The following ZBTB46 variants were observed in gnomAD, a reference collection of about 807,000 sequenced individuals.
ZBTB46 encodes zinc finger and BTB domain-containing protein 46.
In ZBTB46, 8 loss-of-function variants were observed where a neutral mutation model predicts 44.1. That is an observed-to-expected ratio of 0.18 (90% CI 0.11 to 0.33). The LOEUF (loss-of-function observed/expected upper bound fraction) is 0.33, where lower values mean the gene tolerates loss of function less well. Ranked by LOEUF, ZBTB46 falls within the 10% of genes least tolerant of loss-of-function variation. The pLI is 1.00. For synonymous variants in ZBTB46, 409 were observed against 382.3 expected, an observed-to-expected ratio of 1.07 and a Z score of -0.81; for missense variants, 651 against 847.7, an observed-to-expected ratio of 0.77 and a Z score of 2.88.
Position 63,822,835 on chromosome 20 carries a change from G to A in ZBTB46, c.-34+8262C>T, listed in dbSNP as rs140721059. Among the ~76,000 whole-genome samples the A allele has an allele frequency of 4.4e-3, 667 of 151,544 alleles. 3 individuals carry two copies. Among genetic ancestry groups the A allele is most frequent in the African/African-American group, 0.015 (624 of 41,282 alleles). ...TTGAGACCAGCCTGGGCAACACAGC[G>A]AGACCCTGTCTGTACAAAACATGTT... On this transcript the variant is annotated intron_variant, in intron 1 of 4. Transcript: ENST00000245663.
At chr20:63,809,344 T>C (rs1312843293) in intron 1 of ZBTB46, among the ~76,000 whole-genome samples, 2 of 152,138 alleles carry the variant, frequency 1.3e-5, no homozygotes, top group African/African-American at 2.4e-5. Context: ...CCTGCTGGGG[T>C]GGTGGCCCCA....
chr20:63,793,607 C>T (rs916258272), intron 1 of ZBTB46, among the ~76,000 whole-genome samples: 3 of 119,368 alleles, frequency 2.5e-5, no homozygotes, highest in African/African-American at 1.1e-4. Context: ...AAAACAGAGC[C>T]TGTAAGAATT....
intron 2 of ZBTB46, among the ~76,000 whole-genome samples, chr20:63,778,012 G>A (rs1167718240): frequency 6.6e-6 from 1 of 152,160 alleles, no homozygotes; most frequent in Admixed American, 6.5e-5. Flanking sequence ...TAGGTTTGTG[G>A]CTGCAAAAAG....
At chr20:63,797,625 T>C (rs974669174) in intron 1 of ZBTB46, among the ~76,000 whole-genome samples, 1 of 152,228 alleles carries the variant, frequency 6.6e-6, no homozygotes, top group East Asian at 1.9e-4. Flanking sequence ...ACCAACAGTG[T>C]GAAAGTGTTC....
chr20:63,789,953 G>A lies in ZBTB46; in HGVS notation c.805C>T (p.Arg269Ter), dbSNP rs745838266. The change falls in exon 2 of 5, where the codon CGA (arginine) becomes TGA (stop). Residue 269 changes from arginine (R) to a stop codon, truncating the protein, a stop_gained. Transcript: ENST00000245663. LOFTEE classifies it high-confidence loss of function. ...TCTTTGTTTTTCCGATTCTTCCTTC[G>A]GCCCGTGGGCTGCCAGGCATCACCA... is the stretch of plus-strand genomic sequence containing the variant. ...SAGDAWQPTG[R>*]RKNRKNKETV... The A allele has an allele frequency of 6.2e-7, 1 of 1,614,074 alleles. No individual in the cohort carries two copies. Among genetic ancestry groups the A allele is most frequent in the Non-Finnish European group, 8.5e-7 (1 of 1,180,036 alleles).
At chr20:63,810,217 CAA>C (rs2092709845) in intron 1 of ZBTB46, among the ~76,000 whole-genome samples, 1 of 152,076 alleles carries the variant, frequency 6.6e-6, no homozygotes, top group Non-Finnish European at 1.5e-5. Context: ...CTAACAGTGA[CAA>C]ACAGAAAAAG....
intron 1 of ZBTB46, among the ~76,000 whole-genome samples, chr20:63,822,840 C>T (rs2092799797): frequency 1.3e-5 from 2 of 151,942 alleles, no homozygotes; most frequent in Non-Finnish European, 2.9e-5. Flanking sequence ...ACAGCGAGAC[C>T]CTGTCTGTAC....
At chr20:63,747,510 C>CGGGG (rs1213238060) in intron 4 of ZBTB46, among the ~76,000 whole-genome samples, 2 of 18,418 alleles carry the variant, frequency 1.1e-4, no homozygotes, top group African/African-American at 1.9e-4. Context: ...GGGAGGGGGG[C>CGGGG]CAGGGGGTGA....
At chr20:63,770,828 A>T in intron 3 of ZBTB46, among the ~76,000 whole-genome samples, 1 of 152,178 alleles carries the variant, frequency 6.6e-6, no homozygotes, top group East Asian at 1.9e-4. Flanking sequence ...CATTTCCTGC[A>T]CGATGCGCCA....
At chr20:63,812,155 C>T (rs943633529) in intron 1 of ZBTB46, among the ~76,000 whole-genome samples, 1 of 152,198 alleles carries the variant, frequency 6.6e-6, no homozygotes, top group African/African-American at 2.4e-5. Context: ...CGGTAAACTA[C>T]ATTTGCATTT....
intron 1 of ZBTB46, among the ~76,000 whole-genome samples, chr20:63,815,336 G>A (rs1228659373): frequency 6.6e-6 from 1 of 150,792 alleles, no homozygotes; most frequent in Non-Finnish European, 1.5e-5. Flanking sequence ...GTGCAGGTGG[G>A]CATAGGTGCA....
chr20:63,819,640 A>C (rs1209424463), intron 1 of ZBTB46, among the ~76,000 whole-genome samples: 1 of 152,234 alleles, frequency 6.6e-6, no homozygotes, highest in Admixed American at 6.5e-5. Flanking sequence ...TAAACGGATT[A>C]AAACAACCAC....
chr20:63,766,269 G>A (rs1010832553), intron 3 of ZBTB46, among the ~76,000 whole-genome samples: 2 of 139,516 alleles, frequency 1.4e-5, no homozygotes, highest in Non-Finnish European at 3.0e-5. Flanking sequence ...AGGCTGGAGT[G>A]CAATGGCATG....
At chr20:63,774,663 AGCTGGCTGGGG>A (rs1390364003) in intron 3 of ZBTB46, among the ~76,000 whole-genome samples, 2 of 150,302 alleles carry the variant, frequency 1.3e-5, no homozygotes, top group Non-Finnish European at 2.9e-5. Context: ...ACCAGAAGGC[AGCTGGCTGGGG>A]GCTGGCTGCG....
At chr20:63,765,477 G>A (rs1194664950) in intron 3 of ZBTB46, among the ~76,000 whole-genome samples, 2 of 152,230 alleles carry the variant, frequency 1.3e-5, no homozygotes, top group Admixed American at 6.5e-5. Flanking sequence ...TGGCCCAGCT[G>A]GAGTGCAGTG....
At chr20:63,789,504 C>T (rs902477806) in intron 2 of ZBTB46, among the ~76,000 whole-genome samples, 4 of 152,216 alleles carry the variant, frequency 2.6e-5, no homozygotes, top group Admixed American at 6.5e-5. Context: ...GGTCCCCTCC[C>T]GGTGTCACCC....
rs1293635487 is a variant in ZBTB46, at chr20:63,831,201, G to A, written c.-138C>T. 2.8e-5 allele frequency: 4 copies of A among 142,676 alleles called. No individual in the cohort carries two copies. Among genetic ancestry groups the A allele is most frequent in the Non-Finnish European group, 4.6e-5 (3 of 64,546 alleles). The allele number at this position is 142,676 out of a possible 1,614,324, so 8.8% of individuals were successfully genotyped here. A position where few individuals can be genotyped will look rare whatever the true frequency, so the allele number is the denominator to read the frequency against. On this transcript the variant is annotated 5_prime_UTR_variant, in exon 1 of 5. Coordinates refer to ENST00000245663, the MANE Select transcript of ZBTB46 (RefSeq NM_001369741.1). Reference sequence around the variant, plus strand: ...GGGCGCTGCGTCCGGGCGGGTCCGAGCTGCGCGCTCGCCGGGGCTGCTCGG... The same window carrying A: ...GGGCGCTGCGTCCGGGCGGGTCCGAACTGCGCGCTCGCCGGGGCTGCTCGG...
chr20:63,817,548 C>T (rs2092766377), intron 1 of ZBTB46, among the ~76,000 whole-genome samples: 2 of 151,802 alleles, frequency 1.3e-5, no homozygotes, highest in Non-Finnish European at 2.9e-5. Flanking sequence ...AACCCTGTAC[C>T]TACCAAAAAT....
At chr20:63,812,718 G>T (rs2092724622) in intron 1 of ZBTB46, among the ~76,000 whole-genome samples, 1 of 152,070 alleles carries the variant, frequency 6.6e-6, no homozygotes, top group African/African-American at 2.4e-5. Flanking sequence ...GGTGGGGGTT[G>T]CCATGAGCCA....
Sources: allele counts gnomAD v4.1 joint callset (sites outside exome capture counted in the v4.1 genomes callset), GRCh38; gene constraint gnomAD v4.1.1; transcripts MANE v1.5; gene names NCBI Gene and HGNC (gene_info 2026-07-23, HGNC 2026-07-21).